TK2: variants seen among roughly 807,000 people sequenced by gnomAD.
TK2 encodes thymidine kinase 2, mitochondrial.
A neutral mutation model predicts 41.9 loss-of-function variants in TK2; 35 were observed. The observed-to-expected ratio is 0.84, with a 90% confidence interval of 0.64 to 1.11. TK2 has a LOEUF of 1.11. Ranked by LOEUF, TK2 falls within the 50% of genes least tolerant of loss-of-function variation. The pLI, the probability that TK2 is intolerant of heterozygous loss-of-function variation, is 0.00. For synonymous variants in TK2, 128 were observed against 129.1 expected (o/e 0.99, Z 0.06); for missense variants, 320 against 351.1 (o/e 0.91, Z 0.71).
chr16:66,535,533 T>C (rs1201859849), intron 4 of TK2, among the ~76,000 whole-genome samples: 1 of 152,238 alleles, frequency 6.6e-6, no homozygotes, highest in Non-Finnish European at 1.5e-5. Flanking sequence ...CTCTTTAGGA[T>C]TCTTTATTGA....
chr16:66,513,904 A>C, intron 8 of TK2, 93 bp from the exon 9 acceptor site: 7 of 1,091,266 alleles, frequency 6.4e-6, no homozygotes, highest in African/African-American at 1.6e-5. Flanking sequence ...GTAGTCAATG[A>C]CCATGGGCAG....
Position 66,536,945 on chromosome 16 carries a change from C to A in TK2, c.285+19G>T. ...CTTAAGGGGAAGCCGGGGGTTCATG[C>A]AACCAACAACCCACTCACCAGAGGA... On this transcript the variant is annotated intron_variant, in intron 4 of 9. Coordinates refer to ENST00000544898, the MANE Select transcript of TK2 (RefSeq NM_004614.5). 6.2e-7 allele frequency: 1 copy of A among 1,614,018 alleles called. No individual in the cohort carries two copies. The highest frequency in any genetic ancestry group is 1.3e-5 in the African/African-American group (1 of 74,994).
At chr16:66,527,124 G>A (rs2144392735) in intron 6 of TK2, among the ~76,000 whole-genome samples, 1 of 152,300 alleles carries the variant, frequency 6.6e-6, no homozygotes, top group Admixed American at 6.5e-5. Context: ...ACCTAGCAGT[G>A]GACACCTGGA....
intron 2 of TK2, among the ~76,000 whole-genome samples, chr16:66,546,887 G>GACT (rs1436176438): frequency 6.6e-6 from 1 of 151,926 alleles, no homozygotes; most frequent in Non-Finnish European, 1.5e-5. Context: ...GAGTAGCTAG[G>GACT]ACTACTGGTG....
rs1964545820 is a variant in TK2 at position 66,514,415 on chromosome 16, T to C, written c.619-604A>G. Among the ~76,000 whole-genome samples the C allele has an allele frequency of 6.6e-6, 1 of 152,216 alleles. No homozygotes were observed. ...GGATTGCAGACGGAGTCTGGTTCAC[T>C]CAGTGCTCAATGTTGCCCAGGCTGG... is the stretch of plus-strand genomic sequence containing the variant. On this transcript the variant is annotated intron_variant, in intron 8 of 9. Transcript: ENST00000544898. The surrounding 1 kb of genome is among the most constrained non-coding windows in gnomAD (Gnocchi z 4.2).
At position 66,508,443 on chromosome 16, in the gene TK2, C is replaced by T. The variant is rs1425788567; in HGVS notation, c.*3525G>A. On this transcript the variant is annotated 3_prime_UTR_variant, in exon 10 of 10. Transcript: ENST00000544898. Reference sequence around the variant, plus strand: ...TGTATTATTGCTATTCCATTCTGAACAATGGATGACTGACATTTGCAAGAG... The same window carrying T: ...TGTATTATTGCTATTCCATTCTGAATAATGGATGACTGACATTTGCAAGAG... The T allele has an allele frequency of 6.6e-6, 1 of 152,270 alleles. No individual in the cohort carries two copies. The highest frequency in any genetic ancestry group is 6.5e-5 in the Admixed American group (1 of 15,288). 9.4% of individuals were successfully genotyped at this position (152,270 alleles called of 1,614,324 possible).
chr16:66,524,510 A>C (rs1442209881), intron 6 of TK2, among the ~76,000 whole-genome samples: 3 of 151,842 alleles, frequency 2.0e-5, no homozygotes, highest in African/African-American at 7.3e-5. Flanking sequence ...TAATTTTTTA[A>C]ATTTTTTGTA....
chr16:66,519,513 G>C (rs1449504380), intron 6 of TK2, among the ~76,000 whole-genome samples: 1 of 152,056 alleles, frequency 6.6e-6, no homozygotes, highest in Admixed American at 6.6e-5. Flanking sequence ...TTAAAAGAAA[G>C]AAAAAAAGGC....
At position 66,517,671 on chromosome 16, in the gene TK2, G is replaced by T; in HGVS notation, c.538+118C>A. 1 of 907,828 alleles carries T rather than the reference G, an allele frequency of 1.1e-6. No homozygotes were observed. The highest frequency in any genetic ancestry group is 1.8e-6 in the Non-Finnish European group (1 of 542,188). The allele number at this position is 907,828 out of a possible 1,614,324, so 56.2% of individuals were successfully genotyped here. A position where few individuals can be genotyped will look rare whatever the true frequency, so the allele number is the denominator to read the frequency against. On this transcript the variant is annotated intron_variant, in intron 7 of 9. Coordinates refer to ENST00000544898, the MANE Select transcript of TK2 (RefSeq NM_004614.5). This position sits in a 1 kb window ranked among gnomAD's most constrained non-coding sequence, Gnocchi z 4.3. ...GAGAAAGCTGAACTCCCATGGGGAA[G>T]GAACTGCCAAGGGCAAGTGCCTCAC...
intron 4 of TK2, among the ~76,000 whole-genome samples, chr16:66,536,616 G>A (rs951880150): frequency 6.6e-6 from 1 of 152,138 alleles, no homozygotes; most frequent in Non-Finnish European, 1.5e-5. Context: ...GTCCTGGGGG[G>A]GTTAGGCCTG....
rs557547557 is a variant in TK2 at position 66,518,074 on chromosome 16, T to G, written c.450-197A>C. The G allele has an allele frequency of 4.7e-6, 3 of 636,330 alleles. No individual in the cohort carries two copies. The African/African-American group carries it at 5.4e-5, about 11-fold the overall frequency. The allele number at this position is 636,330 out of a possible 1,614,324, so 39.4% of individuals were successfully genotyped here. A position where few individuals can be genotyped will look rare whatever the true frequency, so the allele number is the denominator to read the frequency against. On this transcript the variant is annotated intron_variant, in intron 6 of 9. Coordinates refer to ENST00000544898, the MANE Select transcript of TK2 (RefSeq NM_004614.5). ...CGACCTCCTGCTGCCTGGGAGCGGCTTATGGCACAATGCTGCAAGGGCCAT... is the reference window on the plus strand; with the variant it reads ...CGACCTCCTGCTGCCTGGGAGCGGCGTATGGCACAATGCTGCAAGGGCCAT...
At chr16:66,528,908 A>G (rs887084684) in intron 6 of TK2, 86 bp downstream of exon 6, 30 of 1,301,148 alleles carry the variant, frequency 2.3e-5, no homozygotes, top group Admixed American at 1.7e-5. Flanking sequence ...CGGGTACTCC[A>G]TATCTGTCAA....
chr16:66,527,943 G>A (rs1401362817), intron 6 of TK2, among the ~76,000 whole-genome samples: 4 of 152,116 alleles, frequency 2.6e-5, no homozygotes, highest in South Asian at 2.1e-4. Context: ...GAGGCAGGAC[G>A]ATGGCTTGAG....
intron 3 of TK2, among the ~76,000 whole-genome samples, chr16:66,539,474 G>T (rs999601639): frequency 6.6e-6 from 1 of 151,848 alleles, no homozygotes; most frequent in African/African-American, 2.4e-5. Context: ...GGTGGTGGGT[G>T]CTTGTAATCC....
upstream of TK2, chr16:66,550,131 A>G (rs538827481): frequency 6.2e-7 from 1 of 1,612,212 alleles, no homozygotes; most frequent in African/African-American, 1.3e-5. Context: ...CTGCTAGTCC[A>G]GCCGTTGGGC....
chr16:66,541,207 T>C (rs1178058791), intron 3 of TK2, among the ~76,000 whole-genome samples: 2 of 152,248 alleles, frequency 1.3e-5, no homozygotes, highest in African/African-American at 2.4e-5. Context: ...ATTACATTTA[T>C]GCAAATATTC....
chr16:66,550,007 G>T lies in TK2; in HGVS notation c.55C>A (p.Pro19Thr). The T allele has an allele frequency of 6.5e-7, 1 of 1,540,652 alleles. No individual in the cohort carries two copies. Among genetic ancestry groups the T allele is most frequent in the Non-Finnish European group, 8.7e-7 (1 of 1,145,290 alleles). Residue 19 changes from proline to threonine, a missense_variant, in exon 1 of 10, where the codon CCG (proline) becomes ACG (threonine). Pro to Thr is a conservative substitution (Grantham distance 38). Coordinates refer to ENST00000544898, the MANE Select transcript of TK2 (RefSeq NM_004614.5). The part of the protein sequence containing the change: ...WAARALRCFG[P>T]GSRGSPASGP... ...GAGGCCGGGCTCCCGCGACTTCCCGGCCCAAAGCAGCGCAGCGCCCGGGCG... is the reference window on the plus strand; with the variant it reads ...GAGGCCGGGCTCCCGCGACTTCCCGTCCCAAAGCAGCGCAGCGCCCGGGCG...
At chr16:66,532,660 A>G (rs548758840) in intron 4 of TK2, among the ~76,000 whole-genome samples, 1 of 152,098 alleles carries the variant, frequency 6.6e-6, no homozygotes, top group African/African-American at 2.4e-5. Flanking sequence ...CTAGGAATCT[A>G]TTTAACCAAA....
rs2288399 is a variant in TK2 at position 66,531,589 on chromosome 16, A to G, written c.286-120T>C. 0.067 allele frequency: 59,779 copies of G among 894,870 alleles called. 3,667 individuals are homozygous for G. The highest frequency in any genetic ancestry group is 0.18 in the Admixed American group (8,861 of 50,552). 55.4% of individuals were successfully genotyped at this position (894,870 alleles called of 1,614,324 possible). On this transcript the variant is annotated intron_variant, in intron 4 of 9. Transcript: ENST00000544898. ...CACAGGCAGGGTTGGGGCTGGAGAT[A>G]AACCCAGCATGATCACAGGGCTCTG... is the stretch of plus-strand genomic sequence containing the variant.
Sources: gnomAD v4.1 joint callset for allele counts (sites outside exome capture counted in the v4.1 genomes callset) on GRCh38, gnomAD v4.1.1 for gene constraint, Gnocchi (gnomAD v3.1) non-coding constraint, MANE v1.5 for transcripts, NCBI Gene and HGNC (gene_info 2026-07-23, HGNC 2026-07-21) for gene names.